The following RBPMS variants were observed in gnomAD, a reference collection of about 807,000 sequenced individuals.
RBPMS encodes RNA binding protein, mRNA processing factor, also known as RNA-binding protein with multiple splicing.
A neutral mutation model predicts 26.8 loss-of-function variants in RBPMS; 7 were observed. The ratio of observed to expected loss-of-function variants is 0.26; its 90% CI spans 0.15 to 0.49. RBPMS has a LOEUF of 0.49. Ranked by LOEUF, RBPMS falls within the 20% of genes least tolerant of loss-of-function variation. RBPMS has a pLI of 0.98. For synonymous variants in RBPMS, 96 were observed against 93.3 expected (o/e 1.03, Z -0.17); for missense variants, 186 against 250.0 (o/e 0.74, Z 1.73).
At chr8:30,511,603 GTA>G (rs1164375151) in intron 5 of RBPMS, among the ~76,000 whole-genome samples, 114 of 146,502 alleles carry the variant, frequency 7.8e-4, no homozygotes, top group African/African-American at 2.6e-3. Context: ...ATATATTTGT[GTA>G]TATATATATT....
intron 1 of RBPMS, among the ~76,000 whole-genome samples, chr8:30,388,721 TTTTA>T (rs1807426035): frequency 6.6e-6 from 1 of 152,090 alleles, no homozygotes; most frequent in South Asian, 2.1e-4. Flanking sequence ...GTGATTTGGT[TTTTA>T]TTTCTACTTT....
chr8:30,568,200 A>G (rs1001307903), intron 8 of RBPMS, among the ~76,000 whole-genome samples: 1 of 152,368 alleles, frequency 6.6e-6, no homozygotes, highest in African/African-American at 2.4e-5. Context: ...CCTTTGCCAC[A>G]TGATGGCCCA....
intron 5 of RBPMS, among the ~76,000 whole-genome samples, chr8:30,524,918 G>C (rs1460605486): frequency 6.6e-6 from 1 of 152,076 alleles, no homozygotes; most frequent in East Asian, 1.9e-4. Context: ...TACCAAAGCT[G>C]GGATCCTATT....
intron 1 of RBPMS, among the ~76,000 whole-genome samples, chr8:30,426,199 G>A (rs1022640806): frequency 3.0e-4 from 45 of 152,198 alleles, no homozygotes; most frequent in African/African-American, 1.0e-3. Flanking sequence ...GGGCCAAATT[G>A]CCCATCTGTA....
chr8:30,454,924 G>A (rs899411788), intron 1 of RBPMS, among the ~76,000 whole-genome samples: 1 of 152,218 alleles, frequency 6.6e-6, no homozygotes, highest in Admixed American at 6.5e-5. Flanking sequence ...CCCGATTCAC[G>A]CAATTCTCCT....
chr8:30,484,449 A>G (rs1447583276), intron 4 of RBPMS, among the ~76,000 whole-genome samples: 2 of 152,232 alleles, frequency 1.3e-5, no homozygotes, highest in Non-Finnish European at 2.9e-5. Context: ...TACTCTTTTA[A>G]TAAGACAGAA....
At chr8:30,459,181 C>T (rs1261384977) in intron 1 of RBPMS, among the ~76,000 whole-genome samples, 2 of 151,780 alleles carry the variant, frequency 1.3e-5, no homozygotes, top group African/African-American at 2.4e-5. Context: ...AGGCTGGTCT[C>T]GAACTCCTGA....
Position 30,478,316 on chromosome 8 carries a change from G to A in RBPMS, c.183+479G>A, listed in dbSNP as rs80055025. On this transcript the variant is annotated intron_variant, in intron 3 of 8. Transcript: ENST00000397323. ...TTCTAATAGTTCCTACAAGCTTAGA[G>A]ATTGTAGCTATATACTTTTTTTTTT... Among the ~76,000 whole-genome samples, 1,520 of 152,144 alleles carry A rather than the reference G, an allele frequency of 1.0e-2. 26 individuals carry two copies. Among genetic ancestry groups the A allele is most frequent in the African/African-American group, 0.036 (1,474 of 41,504 alleles).
intron 1 of RBPMS, among the ~76,000 whole-genome samples, chr8:30,388,857 TAAAAC>T (rs1381095540): frequency 6.6e-6 from 1 of 152,052 alleles, no homozygotes; most frequent in Non-Finnish European, 1.5e-5. Flanking sequence ...GTACTTATAA[TAAAAC>T]TAAAAAAGCA....
At chr8:30,429,953 G>T (rs1355810592) in intron 1 of RBPMS, among the ~76,000 whole-genome samples, 8 of 152,202 alleles carry the variant, frequency 5.3e-5, no homozygotes, top group Non-Finnish European at 5.9e-5. Flanking sequence ...TATAGTTACA[G>T]AATCTATACA....
intron 1 of RBPMS, among the ~76,000 whole-genome samples, chr8:30,422,758 G>A (rs1810942953): frequency 6.6e-6 from 1 of 152,040 alleles, no homozygotes; most frequent in Non-Finnish European, 1.5e-5. Flanking sequence ...TCTTTTTCTT[G>A]TGTAGATAAC....
At chr8:30,438,071 C>T (rs1321092482) in intron 1 of RBPMS, among the ~76,000 whole-genome samples, 3 of 152,172 alleles carry the variant, frequency 2.0e-5, no homozygotes, top group African/African-American at 7.2e-5. Flanking sequence ...TCATTCCTAT[C>T]TTCCCCTTTC....
At chr8:30,518,208 C>T (rs1371710487) in intron 5 of RBPMS, among the ~76,000 whole-genome samples, 4 of 152,184 alleles carry the variant, frequency 2.6e-5, no homozygotes, top group Non-Finnish European at 5.9e-5. Context: ...AAACGACTTA[C>T]ATTTACTATG....
At chr8:30,563,713 A>C (rs1827680981) in intron 7 of RBPMS, among the ~76,000 whole-genome samples, 1 of 152,182 alleles carries the variant, frequency 6.6e-6, no homozygotes, top group African/African-American at 2.4e-5. Flanking sequence ...AGCTTGAGTC[A>C]TCCTCAGTAG....
intron 1 of RBPMS, among the ~76,000 whole-genome samples, chr8:30,414,194 A>G (rs1419915343): frequency 7.2e-6 from 1 of 138,118 alleles, no homozygotes; most frequent in Non-Finnish European, 1.5e-5. Flanking sequence ...GGCTGTCGCC[A>G]TTTTTATTAA....
rs933964226 is a variant in RBPMS at position 30,430,136 on chromosome 8, C to T, written c.67-44643C>T. On this transcript the variant is annotated intron_variant, in intron 1 of 8. Coordinates refer to ENST00000397323, the MANE Select transcript of RBPMS (RefSeq NM_001008710.3). ...TACAAAAATACAGAAATTAGCTAGG[C>T]ATGATGGCGCCCGCCTGTAGTCCCA... Among the ~76,000 whole-genome samples, 8 of 152,114 alleles carry T rather than the reference C, an allele frequency of 5.3e-5. No homozygotes were observed. In the East Asian group the frequency reaches 1.2e-3, roughly 22 times the overall value.
intron 1 of RBPMS, among the ~76,000 whole-genome samples, chr8:30,468,096 G>A (rs1816704353): frequency 6.6e-6 from 1 of 151,510 alleles, no homozygotes; most frequent in South Asian, 2.1e-4. Context: ...TGTGAACCTT[G>A]TTCTTTGTCA....
Position 30,410,143 on chromosome 8 carries a change from T to TACACACACACAC in RBPMS, c.66+25022_66+25033dup, listed in dbSNP as rs34489233. On this transcript the variant is annotated intron_variant, in intron 1 of 8. Transcript: ENST00000397323. ...AGCTTACATTCTGGGTGACTTAAAA[T>TACACACACACAC]ACACACACACACACACACACACACA... Among the ~76,000 whole-genome samples, 519 of 132,198 alleles carry TACACACACACAC rather than the reference T, an allele frequency of 3.9e-3. 4 individuals are homozygous for TACACACACACAC. The highest frequency in any genetic ancestry group is 5.4e-3 in the Non-Finnish European group (337 of 62,054). The allele number at this position is 132,198 out of a possible 152,430, so 86.7% of individuals were successfully genotyped here. A position where few individuals can be genotyped will look rare whatever the true frequency, so the allele number is the denominator to read the frequency against.
intron 4 of RBPMS, among the ~76,000 whole-genome samples, chr8:30,493,350 G>A (rs771013281): frequency 6.6e-6 from 1 of 152,198 alleles, no homozygotes; most frequent in Non-Finnish European, 1.5e-5. Context: ...GGGAAAGAAT[G>A]TATGCCAATG....
Sources: gnomAD v4.1 joint callset for allele counts (sites outside exome capture counted in the v4.1 genomes callset) on GRCh38, gnomAD v4.1.1 for gene constraint, MANE v1.5 for transcripts, NCBI Gene and HGNC (gene_info 2026-07-23, HGNC 2026-07-21) for gene names.